Variants in CARS1 observed in about 807,000 individuals in gnomAD.
CARS1 encodes cysteine--tRNA ligase, cytoplasmic.
CARS1 carries 48 observed loss-of-function variants against 106.2 expected under a neutral mutation model. That is an observed-to-expected ratio of 0.45 (90% CI 0.36 to 0.57). CARS1 has a LOEUF of 0.57. Among genes scored for constraint, CARS1 ranks in the 20% least tolerant of loss-of-function variants. CARS1 has a pLI of 0.00. For synonymous variants in CARS1, 409 were observed against 403.4 expected, an observed-to-expected ratio of 1.01 and a Z score of -0.17; for missense variants, 968 against 1,057.2, an observed-to-expected ratio of 0.92 and a Z score of 1.17.
intron 1 of CARS1, among the ~76,000 whole-genome samples, chr11:3,055,446 T>C (rs1320768701): frequency 6.6e-6 from 1 of 152,214 alleles, no homozygotes; most frequent in African/African-American, 2.4e-5. Context: ...TGGCCTACGA[T>C]TGGATTTTAT....
rs1849633182 is a variant in CARS1, at chr11:3,004,061, G to A, written c.2217+1305C>T. On this transcript the variant is annotated intron_variant, in intron 20 of 22. Coordinates refer to ENST00000380525, the MANE Select transcript of CARS1 (RefSeq NM_001014437.3). This position sits in a 1 kb window ranked among gnomAD's most constrained non-coding sequence, Gnocchi z 5.2. ...GGGAGTGCAGCAAGCCAGGGCGTCT[G>A]CACAGCCAGCACCAGGCCACCTCAC... Among the ~76,000 whole-genome samples, 1 of 152,194 alleles carries A rather than the reference G, an allele frequency of 6.6e-6. No individual in the cohort carries two copies. Among genetic ancestry groups the A allele is most frequent in the Non-Finnish European group, 1.5e-5 (1 of 68,034 alleles).
chr11:3,002,370 T>C (rs1193220259), intron 21 of CARS1, 171 bp downstream of exon 21: 7 of 1,259,338 alleles, frequency 5.6e-6, no homozygotes, highest in East Asian at 4.7e-5. Flanking sequence ...CTGCACCCCA[T>C]GTGAGAAGGG....
At position 3,057,343 on chromosome 11, in the gene CARS1, C is replaced by G; in HGVS notation, c.25G>C (p.Ala9Pro). 1.2e-6 allele frequency: 2 copies of G among 1,610,024 alleles called. No homozygotes were observed. The highest frequency in any genetic ancestry group is 2.2e-5 in the South Asian group (2 of 90,826). MADSSGQQ[A>P]PDYRSILSIS... is the part of the protein sequence containing the mutation. ...AGCCTGGCCCGGCCGCGCCGCTCACCCTGCTGCCCGGAGGAATCTGCCATG... is the reference window on the plus strand; with the variant it reads ...AGCCTGGCCCGGCCGCGCCGCTCACGCTGCTGCCCGGAGGAATCTGCCATG... Residue 9 changes from alanine (A) to proline (P), a missense_variant and splice_region_variant, in exon 1 of 23, where the codon GCT becomes CCT. Transcript: ENST00000380525.
chr11:3,001,183 C>T lies in CARS1; in HGVS notation c.2427G>A (p.Lys809=), dbSNP rs1849366413. 1 of 1,614,010 alleles carries T rather than the reference C, an allele frequency of 6.2e-7. No individual in the cohort carries two copies. The highest frequency in any genetic ancestry group is 8.5e-7 in the Non-Finnish European group (1 of 1,180,030). ...LSKGQAKKLK[K]LFEAQEKLYK... ...AGAGCTTCTCCTGAGCCTCGAAGAGCTTCTTCAGCTTCTTGGCTTGCCCTT... is the reference window on the plus strand; with the variant it reads ...AGAGCTTCTCCTGAGCCTCGAAGAGTTTCTTCAGCTTCTTGGCTTGCCCTT... The change falls in exon 23 of 23, where the codon AAG becomes AAA. Residue 809 remains lysine (K), a synonymous_variant. Transcript: ENST00000380525.
In CARS1 at chr11:3,028,231, T is replaced by C; in HGVS notation, c.1031+765A>G. On this transcript the variant is annotated intron_variant, in intron 9 of 22. Coordinates refer to ENST00000380525, the MANE Select transcript of CARS1 (RefSeq NM_001014437.3). The surrounding 1 kb of genome is among the most constrained non-coding windows in gnomAD (Gnocchi z 4.4). ...ACGTGGCCTTACCTATCATTGAAGA[T>C]GGCTCACTCTCCTTAACCTACCCCT... The C allele has an allele frequency of 2.6e-6, 1 of 390,170 alleles. No homozygotes were observed. The highest frequency in any genetic ancestry group is 4.8e-6 in the Non-Finnish European group (1 of 208,558). 24.2% of individuals were successfully genotyped at this position (390,170 alleles called of 1,614,324 possible). A position where few individuals can be genotyped will look rare whatever the true frequency, so the allele number is the denominator to read the frequency against.
chr11:3,039,205 C>A lies in CARS1; in HGVS notation c.640G>T (p.Ala214Ser). The change falls in exon 6 of 23, where the codon GCC becomes TCC. Residue 214 changes from alanine (A) to serine (S), a missense_variant. By Grantham distance (99) the Ala-to-Ser change is moderately conservative. Coordinates refer to ENST00000380525, the MANE Select transcript of CARS1 (RefSeq NM_001014437.3). The surrounding 1 kb of genome is among the most constrained non-coding windows in gnomAD (Gnocchi z 5.6). ...AGCAAGAGGCCCACCTTCAGGGCGG[C>A]CTGAACATCCTCCAAGAGCTGTGCC... is the stretch of plus-strand genomic sequence containing the variant. ...EAAQLLEDVQ[A>S]ALKPFSVKLN... 1.2e-6 allele frequency: 2 copies of A among 1,611,716 alleles called. No homozygotes were observed. Among genetic ancestry groups the A allele is most frequent in the South Asian group, 2.2e-5 (2 of 90,990 alleles).
At chr11:3,015,448 C>T (rs6578314) in intron 17 of CARS1, among the ~76,000 whole-genome samples, 139,428 of 152,350 alleles carry the variant, frequency 0.92, 63,897 homozygotes, top group African/African-American at 0.96. Flanking sequence ...GTATATGTGA[C>T]GAAGTCATGT....
rs1025464994 is a variant in CARS1 at position 3,017,631 on chromosome 11, G to A, written c.1727+226C>T. On this transcript the variant is annotated intron_variant, in intron 15 of 22. Coordinates refer to ENST00000380525, the MANE Select transcript of CARS1 (RefSeq NM_001014437.3). This position sits in a 1 kb window ranked among gnomAD's most constrained non-coding sequence, Gnocchi z 4.9. The stretch of plus-strand genomic sequence containing the variant: ...GCACTCCAGCCTGGGCAACAAGGGC[G>A]AAACTCCGTCTCAAAAAGAAAAAAC... 5.3e-5 allele frequency: 30 copies of A among 567,014 alleles called. No individual in the cohort carries two copies. Among genetic ancestry groups the A allele is most frequent in the Non-Finnish European group, 6.8e-5 (22 of 322,016 alleles). The allele number at this position is 567,014 out of a possible 1,614,324, so 35.1% of individuals were successfully genotyped here.
Position 3,003,585 on chromosome 11 carries a change from A to G in CARS1, c.2218-985T>C, listed in dbSNP as rs1849593963. On this transcript the variant is annotated intron_variant, in intron 20 of 22. Coordinates refer to ENST00000380525, the MANE Select transcript of CARS1 (RefSeq NM_001014437.3). This position sits in a 1 kb window ranked among gnomAD's most constrained non-coding sequence, Gnocchi z 4.8. The stretch of plus-strand genomic sequence containing the variant: ...ACAGAGCTAGGGAAAAGAAACCAGG[A>G]AGGCACAAAGGTCTCAGAGACTCAG... Among the ~76,000 whole-genome samples the G allele has an allele frequency of 6.6e-6, 1 of 152,068 alleles. No homozygotes were observed. The highest frequency in any genetic ancestry group is 1.5e-5 in the Non-Finnish European group (1 of 68,014).
rs1852458388 is a variant in CARS1, at chr11:3,029,345, C to T, written c.900G>A (p.Lys300=). 1.9e-6 allele frequency: 3 copies of T among 1,614,046 alleles called. No homozygotes were observed. The highest frequency in any genetic ancestry group is 3.3e-5 in the Admixed American group (2 of 60,024). The part of the protein sequence containing the change: ...TDNSIFSKLP[K]FWEGDFHRDM... Reference sequence around the variant, plus strand: ...CTCTGTGGAAGTCCCCCTCCCAGAACTTGGGCAGCTTGGAGAAGATGGAAT... The same window carrying T: ...CTCTGTGGAAGTCCCCCTCCCAGAATTTGGGCAGCTTGGAGAAGATGGAAT... Residue 300 remains lysine, a synonymous_variant, in exon 8 of 23, where the codon AAG becomes AAA. Transcript: ENST00000380525. The surrounding 1 kb of genome is among the most constrained non-coding windows in gnomAD (Gnocchi z 5.9).
Position 3,020,117 on chromosome 11 carries a change from C to T in CARS1, c.1266+103G>A, listed in dbSNP as rs536355592. 1.3e-3 allele frequency: 1,010 copies of T among 760,490 alleles called. 3 individuals are homozygous for T. Among genetic ancestry groups the T allele is most frequent in the Non-Finnish European group, 2.0e-3 (865 of 428,850 alleles). 47.1% of individuals were successfully genotyped at this position (760,490 alleles called of 1,614,324 possible). ...CCAGCACCAGGCTCTGGCCCAGTGA[C>T]AACATCCTTCACACACAGAGCGGCC... is the stretch of plus-strand genomic sequence containing the variant. On this transcript the variant is annotated intron_variant, in intron 11 of 22. Transcript: ENST00000380525. This position sits in a 1 kb window ranked among gnomAD's most constrained non-coding sequence, Gnocchi z 4.6.
At position 3,050,809 on chromosome 11, in the gene CARS1, C is replaced by T. The variant is rs1012640589; in HGVS notation, c.26-2808G>A. ...TCCCCACCAGGTCTTCAAGGACTCC[C>T]TGTCCATATGGCGCCCGCCTCTAGA... is the stretch of plus-strand genomic sequence containing the variant. On this transcript the variant is annotated intron_variant, in intron 1 of 22. Transcript: ENST00000380525. The surrounding 1 kb of genome is among the most constrained non-coding windows in gnomAD (Gnocchi z 6.3). Among the ~76,000 whole-genome samples, 3 of 152,194 alleles carry T rather than the reference C, an allele frequency of 2.0e-5. No individual in the cohort carries two copies. Among genetic ancestry groups the T allele is most frequent in the Non-Finnish European group, 2.9e-5 (2 of 68,028 alleles).
In CARS1 at chr11:3,033,538, T is replaced by C. The variant is rs1853159443; in HGVS notation, c.802-4095A>G. Reference sequence around the variant, plus strand: ...GGGCTAAAAAATCCAAAATGGAAATTAGAAATTGTTTACAAGTAAATGATG... The same window carrying C: ...GGGCTAAAAAATCCAAAATGGAAATCAGAAATTGTTTACAAGTAAATGATG... On this transcript the variant is annotated intron_variant, in intron 7 of 22. Coordinates refer to ENST00000380525, the MANE Select transcript of CARS1 (RefSeq NM_001014437.3). Among the ~76,000 whole-genome samples the C allele has an allele frequency of 2.6e-5, 4 of 152,144 alleles. No individual in the cohort carries two copies. In the South Asian group the frequency reaches 8.3e-4, roughly 31 times the overall value.
chr11:3,019,663 C>T lies in CARS1; in HGVS notation c.1267-396G>A, dbSNP rs1336196752. ...GGCAGAGGTTGCAGTGAGCTGAGAT[C>T]GCGCCACTGCACTCCAGCCTGGTGA... is the stretch of plus-strand genomic sequence containing the variant. On this transcript the variant is annotated intron_variant, in intron 11 of 22. Coordinates refer to ENST00000380525, the MANE Select transcript of CARS1 (RefSeq NM_001014437.3). The surrounding 1 kb of genome is among the most constrained non-coding windows in gnomAD (Gnocchi z 6.2). 2.0e-5 allele frequency among the ~76,000 whole-genome samples: 3 copies of T among 151,284 alleles called. No individual in the cohort carries two copies. The highest frequency in any genetic ancestry group is 2.4e-5 in the African/African-American group (1 of 41,050).
Position 3,012,290 on chromosome 11 carries a change from A to G in CARS1, c.1987-14T>C. 6.2e-7 allele frequency: 1 copy of G among 1,613,180 alleles called. No homozygotes were observed. The highest frequency in any genetic ancestry group is 8.5e-7 in the Non-Finnish European group (1 of 1,179,126). ...TGTGGCCTCGAGCTGCGGAAAGAAC[A>G]GTTTTGGTTCACTGAGAGCTGCTCA... On this transcript the variant is annotated splice_polypyrimidine_tract_variant and intron_variant, in intron 17 of 22. Coordinates refer to ENST00000380525, the MANE Select transcript of CARS1 (RefSeq NM_001014437.3).
At position 3,050,734 on chromosome 11, in the gene CARS1, C is replaced by T. The variant is rs548903614; in HGVS notation, c.26-2733G>A. ...CTCTTTTTTTAGGGGGCATGCTCCC[C>T]AGATACCAGCAGGCCCCTTAATCCT... is the stretch of plus-strand genomic sequence containing the variant. On this transcript the variant is annotated intron_variant, in intron 1 of 22. Coordinates refer to ENST00000380525, the MANE Select transcript of CARS1 (RefSeq NM_001014437.3). The surrounding 1 kb of genome is among the most constrained non-coding windows in gnomAD (Gnocchi z 6.3). 4.4e-4 allele frequency among the ~76,000 whole-genome samples: 67 copies of T among 152,316 alleles called. 1 individual carries two copies. Among genetic ancestry groups the T allele is most frequent in the Non-Finnish European group, 7.2e-4 (49 of 68,032 alleles).
Position 3,020,448 on chromosome 11 carries a change from T to C in CARS1, c.1154-116A>G. 1.5e-6 allele frequency: 1 copy of C among 660,762 alleles called. No homozygotes were observed. Among genetic ancestry groups the C allele is most frequent in the Non-Finnish European group, 2.8e-6 (1 of 361,876 alleles). 40.9% of individuals were successfully genotyped at this position (660,762 alleles called of 1,614,324 possible). A position where few individuals can be genotyped will look rare whatever the true frequency, so the allele number is the denominator to read the frequency against. ...GCAGTCCTTCTGACTAACTTCTGTT[T>C]ATTAACTTGGCTCAAGCATTTCTTC... On this transcript the variant is annotated intron_variant, in intron 10 of 22. Coordinates refer to ENST00000380525, the MANE Select transcript of CARS1 (RefSeq NM_001014437.3). The surrounding 1 kb of genome is among the most constrained non-coding windows in gnomAD (Gnocchi z 4.6).
At chr11:3,011,570 C>T (rs1038027947) in intron 18 of CARS1, among the ~76,000 whole-genome samples, 10 of 152,130 alleles carry the variant, frequency 6.6e-5, no homozygotes, top group African/African-American at 1.4e-4. Flanking sequence ...GCCGAGATCG[C>T]GCCACTGCAC....
At chr11:3,018,874 A>G in intron 12 of CARS1, 125 bp from the exon 13 acceptor site, 1 of 1,331,236 alleles carries the variant, frequency 7.5e-7, no homozygotes, top group Non-Finnish European at 1.0e-6. Flanking sequence ...CAGGTGGTGC[A>G]GGCAGGGCTT....
Sources: gnomAD v4.1 joint callset for allele counts (sites outside exome capture counted in the v4.1 genomes callset) on GRCh38, gnomAD v4.1.1 for gene constraint, Gnocchi (gnomAD v3.1) non-coding constraint, MANE v1.5 for transcripts, NCBI Gene and HGNC (gene_info 2026-07-23, HGNC 2026-07-21) for gene names.